The following DCTN6 variants were observed in gnomAD, a reference collection of about 807,000 sequenced individuals.
DCTN6 encodes the protein dynactin subunit 6, also known as dynactin 6.
Under a neutral mutation model 25.8 loss-of-function variants are expected in DCTN6, and 15 were observed. The ratio of observed to expected loss-of-function variants is 0.58; its 90% CI spans 0.39 to 0.89. The LOEUF (loss-of-function observed/expected upper bound fraction) is 0.89, where lower values mean the gene tolerates loss of function less well. Ranked by LOEUF, DCTN6 falls within the 40% of genes least tolerant of loss-of-function variation. DCTN6 has a pLI of 0.00. For missense variants in DCTN6, 198 were observed against 237.6 expected, an observed-to-expected ratio of 0.83 and a Z score of 1.09; for synonymous variants, 64 against 78.3, an observed-to-expected ratio of 0.82 and a Z score of 0.96.
chr8:30,161,262 C>T (rs1001943591), intron 1 of DCTN6, among the ~76,000 whole-genome samples: 1 of 152,182 alleles, frequency 6.6e-6, no homozygotes. Context: ...CCTCCCCAGT[C>T]ATGTGGAACT....
chr8:30,179,287 T>C (rs2117599152), intron 4 of DCTN6, 121 bp from the exon 5 acceptor site: 1 of 639,362 alleles, frequency 1.6e-6, no homozygotes, highest in East Asian at 3.0e-5. Flanking sequence ...CTGGCAAGGG[T>C]GAGCCTGCAT....
In DCTN6 at chr8:30,172,985, T is replaced by C. The variant is rs113943592; in HGVS notation, c.89-2100T>C. On this transcript the variant is annotated intron_variant, in intron 2 of 6. Transcript: ENST00000221114. ...CAACTTGAGAAGCTTCCCAGGGATC[T>C]CAGAGATCCATCCCATCTTCCATCC... 1.0e-2 allele frequency among the ~76,000 whole-genome samples: 1,516 copies of C among 152,324 alleles called. 20 individuals carry two copies. Among genetic ancestry groups the C allele is most frequent in the South Asian group, 0.065 (312 of 4,832 alleles).
chr8:30,156,550 C>T, intron 1 of DCTN6, 144 bp downstream of exon 1: 1 of 965,390 alleles, frequency 1.0e-6, no homozygotes, highest in Non-Finnish European at 1.6e-6. Flanking sequence ...CTGGCGTCCA[C>T]TGAGGGAGGG....
chr8:30,182,277 T>A (rs1458066342), intron 6 of DCTN6, among the ~76,000 whole-genome samples: 2 of 152,172 alleles, frequency 1.3e-5, no homozygotes, highest in Non-Finnish European at 2.9e-5. Flanking sequence ...GGCAGGGGCC[T>A]AAAAATCTAT....
intron 1 of DCTN6, among the ~76,000 whole-genome samples, chr8:30,161,412 C>A (rs538200966): frequency 1.3e-5 from 2 of 152,190 alleles, no homozygotes; most frequent in Admixed American, 6.5e-5. Context: ...CCTGACCCCC[C>A]CCACCACCAA....
chr8:30,177,082 T>G lies in DCTN6; in HGVS notation c.195-44T>G, dbSNP rs1462461115. On this transcript the variant is annotated intron_variant, in intron 3 of 6. Coordinates refer to ENST00000221114, the MANE Select transcript of DCTN6 (RefSeq NM_006571.4). ...TCGAAAATGGGAAGAAAATTGCTTA[T>G]TGTGTTATTGACTTTTTGGATGATT... 2.7e-6 allele frequency: 4 copies of G among 1,498,684 alleles called. No individual in the cohort carries two copies. The Admixed American group carries it at 5.6e-5, about 21-fold the overall frequency. The allele number at this position is 1,498,684 out of a possible 1,614,324, so 92.8% of individuals were successfully genotyped here. A position where few individuals can be genotyped will look rare whatever the true frequency, so the allele number is the denominator to read the frequency against.
At chr8:30,182,463 C>T (rs1271326311) in intron 6 of DCTN6, among the ~76,000 whole-genome samples, 1 of 151,994 alleles carries the variant, frequency 6.6e-6, no homozygotes, top group Non-Finnish European at 1.5e-5. Flanking sequence ...CTTCTGTAAT[C>T]GGAACTTTTA....
rs563045165 is a variant in DCTN6 at position 30,171,396 on chromosome 8, C to T, written c.89-3689C>T. Among the ~76,000 whole-genome samples the T allele has an allele frequency of 1.6e-4, 24 of 152,022 alleles. No individual in the cohort carries two copies. In the South Asian group the frequency reaches 3.5e-3, roughly 22 times the overall value. ...TCCCAAGTAGTTGGGACCACAGGTGCACCCCACCATAACTGGCCAATTTTT... is the reference window on the plus strand; with the variant it reads ...TCCCAAGTAGTTGGGACCACAGGTGTACCCCACCATAACTGGCCAATTTTT... On this transcript the variant is annotated intron_variant, in intron 2 of 6. Transcript: ENST00000221114.
chr8:30,182,850 G>A (rs576606767), intron 6 of DCTN6, among the ~76,000 whole-genome samples: 6 of 152,068 alleles, frequency 3.9e-5, no homozygotes, highest in African/African-American at 1.4e-4. Context: ...GAGTAGCTAT[G>A]ACTACAGGGG....
intron 1 of DCTN6, 149 bp downstream of exon 1, chr8:30,156,555 G>T: frequency 2.1e-6 from 2 of 943,024 alleles, no homozygotes; most frequent in Non-Finnish European, 3.3e-6. Context: ...GTCCACTGAG[G>T]GAGGGGGCGA....
At chr8:30,158,479 T>G (rs916680345) in intron 1 of DCTN6, among the ~76,000 whole-genome samples, 1 of 152,164 alleles carries the variant, frequency 6.6e-6, no homozygotes, top group Admixed American at 6.6e-5. Flanking sequence ...AGTGACAGGA[T>G]GTTTCCAGAA....
chr8:30,166,813 A>G (rs1443493262), intron 2 of DCTN6, among the ~76,000 whole-genome samples: 4 of 152,094 alleles, frequency 2.6e-5, no homozygotes, highest in African/African-American at 9.7e-5. Context: ...AAGGAAGTAC[A>G]GGCTGGATGC....
intron 2 of DCTN6, among the ~76,000 whole-genome samples, chr8:30,171,025 C>T (rs1462234749): frequency 6.6e-6 from 1 of 151,890 alleles, no homozygotes; most frequent in African/African-American, 2.4e-5. Flanking sequence ...TGTTTGAGTT[C>T]TTTATATAAG....
intron 6 of DCTN6, chr8:30,180,884 T>G (rs1803903378): frequency 2.0e-6 from 1 of 510,084 alleles, no homozygotes; most frequent in South Asian, 3.3e-5. Flanking sequence ...CTAGAAAAAC[T>G]AAGCCAGGTG....
At chr8:30,161,718 AATAG>A (rs1315322773) in intron 1 of DCTN6, among the ~76,000 whole-genome samples, 2 of 150,778 alleles carry the variant, frequency 1.3e-5, no homozygotes, top group African/African-American at 2.4e-5. Context: ...GGTATTTAAA[AATAG>A]ATAGAATAGA....
chr8:30,178,506 T>C (rs913146833), intron 4 of DCTN6, among the ~76,000 whole-genome samples: 3 of 150,088 alleles, frequency 2.0e-5, no homozygotes, highest in Non-Finnish European at 3.0e-5. Flanking sequence ...TAAAATCTTA[T>C]GGTGTCAGCA....
Position 30,183,163 on chromosome 8 carries a change from TA to T in DCTN6, c.566del (p.Lys189ArgfsTer7), listed in dbSNP as rs1372697763. On this transcript the variant is annotated frameshift_variant, in exon 7 of 7. Transcript: ENST00000221114. LOFTEE classifies it high-confidence loss of function. Reference sequence around the variant, plus strand: ...ACTATGAAAGGAAGCTCAACTCCAGTAAAGAACTAAGAACAGTGTATAACAT... The same window carrying T: ...ACTATGAAAGGAAGCTCAACTCCAGTAAGAACTAAGAACAGTGTATAACAT... ...KKTMKGSSTP[V>X]KN 1.9e-6 allele frequency: 3 copies of T among 1,613,320 alleles called. No individual in the cohort carries two copies. The Admixed American group carries it at 5.0e-5, about 27-fold the overall frequency.
At chr8:30,181,172 A>G (rs1803906700) in intron 6 of DCTN6, among the ~76,000 whole-genome samples, 1 of 152,222 alleles carries the variant, frequency 6.6e-6, no homozygotes, top group Admixed American at 6.5e-5. Flanking sequence ...TGACAATGAC[A>G]AGTCAGTTAT....
intron 2 of DCTN6, among the ~76,000 whole-genome samples, chr8:30,169,944 G>T (rs1326422919): frequency 6.6e-6 from 1 of 152,186 alleles, no homozygotes; most frequent in South Asian, 2.1e-4. Flanking sequence ...AGGCCGAGTC[G>T]AGCGGATTTC....
Sources: allele counts gnomAD v4.1 joint callset (sites outside exome capture counted in the v4.1 genomes callset), GRCh38; gene constraint gnomAD v4.1.1; transcripts MANE v1.5; gene names NCBI Gene and HGNC (gene_info 2026-07-23, HGNC 2026-07-21).